The following FMNL2 variants were observed in gnomAD, a reference collection of about 807,000 sequenced individuals.
FMNL2 encodes formin like 2, also known as formin-like protein 2.
FMNL2 carries 51 observed loss-of-function variants against 130.2 expected under a neutral mutation model. The ratio of observed to expected loss-of-function variants is 0.39; its 90% CI spans 0.31 to 0.49. The LOEUF (loss-of-function observed/expected upper bound fraction) is 0.49, where lower values mean the gene tolerates loss of function less well. Among genes scored for constraint, FMNL2 ranks in the 20% least tolerant of loss-of-function variants. The pLI, the probability that FMNL2 is intolerant of heterozygous loss-of-function variation, is 0.85. For missense variants in FMNL2, 977 were observed against 1,316.2 expected (o/e 0.74, Z 3.99); for synonymous variants, 465 against 467.1 (o/e 1.00, Z 0.06).
intron 1 of FMNL2, among the ~76,000 whole-genome samples, chr2:152,466,127 G>A (rs1243561445): frequency 3.9e-5 from 6 of 151,970 alleles, no homozygotes; most frequent in East Asian, 1.9e-4. Context: ...AGACTGGTTA[G>A]GAGACTCAAG....
chr2:152,418,750 A>G (rs1474614728), intron 1 of FMNL2, among the ~76,000 whole-genome samples: 2 of 152,198 alleles, frequency 1.3e-5, no homozygotes, highest in Non-Finnish European at 2.9e-5. Context: ...GTTATTCTAC[A>G]TAATGCTACT....
At position 152,401,898 on chromosome 2, in the gene FMNL2, CTTTTTTTTTTTTTTTT is replaced by C. The variant is rs70974858; in HGVS notation, c.117+66188_117+66203del. Among the ~76,000 whole-genome samples the C allele has an allele frequency of 2.6e-3, 208 of 78,582 alleles. 3 individuals are homozygous for C. The highest frequency in any genetic ancestry group is 0.011 in the African/African-American group (203 of 18,734). 51.6% of individuals were successfully genotyped at this position (78,582 alleles called of 152,430 possible). On this transcript the variant is annotated intron_variant, in intron 1 of 25. Transcript: ENST00000288670. The stretch of plus-strand genomic sequence containing the variant: ...GGTAGTTTCAGATGTTGTGTTTAAT[CTTTTTTTTTTTTTTTT>C]TTTTTTTTTGAGACGGAGTCTCTTT...
intron 6 of FMNL2, among the ~76,000 whole-genome samples, chr2:152,563,694 C>T (rs1182303768): frequency 6.6e-6 from 1 of 152,022 alleles, no homozygotes; most frequent in East Asian, 1.9e-4. Flanking sequence ...TTTTTACCAT[C>T]CTCCCTTTTC....
In FMNL2 at chr2:152,335,549, T is replaced by G; in HGVS notation, c.-55T>G. 1.4e-6 allele frequency: 2 copies of G among 1,473,990 alleles called. No individual in the cohort carries two copies. Among genetic ancestry groups the G allele is most frequent in the South Asian group, 1.2e-5 (1 of 84,074 alleles). The allele number at this position is 1,473,990 out of a possible 1,614,324, so 91.3% of individuals were successfully genotyped here. A position where few individuals can be genotyped will look rare whatever the true frequency, so the allele number is the denominator to read the frequency against. On this transcript the variant is annotated 5_prime_UTR_variant, in exon 1 of 26. Transcript: ENST00000288670. ...CCGACCGCCGGGAGCTGTTCTGATT[T>G]CCGACGCGCACGCTAGGGGCCCGGA...
chr2:152,414,053 G>A (rs1686466719), intron 1 of FMNL2, among the ~76,000 whole-genome samples: 1 of 152,072 alleles, frequency 6.6e-6, no homozygotes, highest in Non-Finnish European at 1.5e-5. Flanking sequence ...ATGTACACGA[G>A]CTTATGTTTG....
Position 152,619,688 on chromosome 2 carries a change from C to T in FMNL2, c.1807C>T (p.Pro603Ser), listed in dbSNP as rs369920196. The T allele has an allele frequency of 2.5e-6, 4 of 1,612,390 alleles. No individual in the cohort carries two copies. Among genetic ancestry groups the T allele is most frequent in the African/African-American group, 2.7e-5 (2 of 74,788 alleles). Residue 603 changes from proline to serine, a missense_variant, in exon 15 of 26, where the codon CCC becomes TCC. By Grantham distance (74) the Pro-to-Ser change is moderately conservative (BLOSUM62 -1). Around this residue, in one of 4 missense-constraint regions of FMNL2, gnomAD observed 689 missense variants for 995.9 expected, o/e 0.69. Transcript: ENST00000288670. ...SAPPLPGTSS[P>S]TVVFNSGLAA... ...ACCTCCGCTGCCTGGAACATCTTCA[C>T]CCACAGTGGTTTTCAACTCAGGATT...
intron 1 of FMNL2, among the ~76,000 whole-genome samples, chr2:152,469,579 G>A (rs1324265451): frequency 6.6e-6 from 1 of 152,120 alleles, no homozygotes; most frequent in African/African-American, 2.4e-5. Flanking sequence ...TCCCCCTTGC[G>A]TGGCCTGTCC....
At chr2:152,344,489 T>C (rs970131540) in intron 1 of FMNL2, among the ~76,000 whole-genome samples, 8 of 152,144 alleles carry the variant, frequency 5.3e-5, no homozygotes, top group Non-Finnish European at 8.8e-5. Context: ...ATGAAAGATA[T>C]TTGATTCAAC....
At chr2:152,355,189 G>A in intron 1 of FMNL2, among the ~76,000 whole-genome samples, 1 of 152,266 alleles carries the variant, frequency 6.6e-6, no homozygotes, top group South Asian at 2.1e-4. Flanking sequence ...GGTGCTAGAC[G>A]TTACTCTAAT....
At chr2:152,352,750 G>A (rs1466699261) in intron 1 of FMNL2, among the ~76,000 whole-genome samples, 1 of 151,334 alleles carries the variant, frequency 6.6e-6, no homozygotes, top group African/African-American at 2.4e-5. Flanking sequence ...GTCCTCTGAA[G>A]GCTTTCTGAA....
chr2:152,587,516 C>A (rs1024621085), intron 9 of FMNL2, among the ~76,000 whole-genome samples: 2 of 152,142 alleles, frequency 1.3e-5, no homozygotes, highest in Non-Finnish European at 1.5e-5. Context: ...TGACTGAAAA[C>A]TTTATAAACT....
At chr2:152,613,292 A>T (rs191852742) in intron 11 of FMNL2, among the ~76,000 whole-genome samples, 1 of 152,156 alleles carries the variant, frequency 6.6e-6, no homozygotes, top group Non-Finnish European at 1.5e-5. Flanking sequence ...TGGATGTATA[A>T]ATTCCTAGCG....
intron 9 of FMNL2, among the ~76,000 whole-genome samples, chr2:152,599,428 T>TTTTTTTTTTTTTTTTTG (rs1697937338): frequency 7.0e-6 from 1 of 142,542 alleles, no homozygotes; most frequent in African/African-American, 2.6e-5. Flanking sequence ...TTTTTTTTTT[T>TTTTTTTTTTTTTTTTTG]TTTTTTTTTA....
At chr2:152,644,088 G>C (rs1239705832) in intron 25 of FMNL2, among the ~76,000 whole-genome samples, 3 of 152,126 alleles carry the variant, frequency 2.0e-5, no homozygotes, top group Non-Finnish European at 2.9e-5. Flanking sequence ...GGGCATGGTG[G>C]TGCACACTTG....
chr2:152,633,653 T>G lies in FMNL2; in HGVS notation c.2680+1516T>G, dbSNP rs530921075. ...GCAAGTTCGGGGCTCACTTAGACAG[T>G]AGGCAGAATTTCTGTTCTGACCAAA... On this transcript the variant is annotated intron_variant, in intron 21 of 25. Transcript: ENST00000288670. Among the ~76,000 whole-genome samples the G allele has an allele frequency of 8.4e-4, 128 of 152,200 alleles. 1 individual carries two copies. Among genetic ancestry groups the G allele is most frequent in the Non-Finnish European group, 6.9e-4 (47 of 68,034 alleles).
chr2:152,472,404 G>T (rs193217939), intron 1 of FMNL2, among the ~76,000 whole-genome samples: 6 of 152,220 alleles, frequency 3.9e-5, no homozygotes, highest in East Asian at 1.9e-4. Flanking sequence ...CTTCAAAAAA[G>T]ATTTTTTTCT....
intron 9 of FMNL2, among the ~76,000 whole-genome samples, chr2:152,593,597 C>T (rs1267900041): frequency 2.6e-5 from 4 of 151,718 alleles, no homozygotes; most frequent in Admixed American, 2.0e-4. Flanking sequence ...GGTGATCCAC[C>T]GAATATGAGA....
At chr2:152,390,569 G>A (rs1579551047) in intron 1 of FMNL2, 1 of 1,432,708 alleles carries the variant, frequency 7.0e-7, no homozygotes, top group Non-Finnish European at 9.8e-7. Flanking sequence ...AGAAGAAACA[G>A]GAGATTCTGA....
At position 152,440,712 on chromosome 2, in the gene FMNL2, C is replaced by T. The variant is rs923984285; in HGVS notation, c.118-81231C>T. Among the ~76,000 whole-genome samples the T allele has an allele frequency of 3.9e-5, 6 of 152,102 alleles. No individual in the cohort carries two copies. In the East Asian group the frequency reaches 7.7e-4, roughly 20 times the overall value. The stretch of plus-strand genomic sequence containing the variant: ...GTAGAGAACACATTCTTATTAGTGC[C>T]GGAAGTCCTTATCCAAGAGTCTGCA... On this transcript the variant is annotated intron_variant, in intron 1 of 25. Transcript: ENST00000288670.
Sources: allele counts gnomAD v4.1 joint callset (sites outside exome capture counted in the v4.1 genomes callset), GRCh38; gene constraint gnomAD v4.1.1; regional missense constraint gnomAD v4.1.1; transcripts MANE v1.5; gene names NCBI Gene and HGNC (gene_info 2026-07-23, HGNC 2026-07-21).